The following SYTL2 variants were observed in gnomAD, a reference collection of about 807,000 sequenced individuals.
SYTL2 encodes the protein synaptotagmin like 2.
Under a neutral mutation model 198.7 loss-of-function variants are expected in SYTL2, and 165 were observed. The ratio of observed to expected loss-of-function variants is 0.83; its 90% CI spans 0.73 to 0.94. SYTL2 has a LOEUF of 0.94. Ranked by LOEUF, SYTL2 falls within the 40% of genes least tolerant of loss-of-function variation. The pLI is 0.00. For synonymous variants in SYTL2, 966 were observed against 917.7 expected, an observed-to-expected ratio of 1.05 and a Z score of -0.95; for missense variants, 2,835 against 2,582.8, an observed-to-expected ratio of 1.10 and a Z score of -2.12.
At chr11:85,700,028 A>C (rs2084022592) in intron 17 of SYTL2, among the ~76,000 whole-genome samples, 1 of 152,216 alleles carries the variant, frequency 6.6e-6, no homozygotes, top group South Asian at 2.1e-4. Context: ...ACAAATTCTG[A>C]ATACAGGCCA....
At chr11:85,733,439 T>G (rs921212044) in intron 7 of SYTL2, among the ~76,000 whole-genome samples, 2 of 152,180 alleles carry the variant, frequency 1.3e-5, no homozygotes, top group African/African-American at 4.8e-5. Flanking sequence ...CTTTTAGTTA[T>G]TGGTGATTGA....
intron 15 of SYTL2, among the ~76,000 whole-genome samples, chr11:85,705,998 T>C (rs914903273): frequency 6.6e-6 from 1 of 152,176 alleles, no homozygotes; most frequent in African/African-American, 2.4e-5. Context: ...AAAGAGGGAA[T>C]GAACAACACT....
At chr11:85,781,230 AAGG>A (rs1241956186) in intron 1 of SYTL2, among the ~76,000 whole-genome samples, 2 of 152,146 alleles carry the variant, frequency 1.3e-5, no homozygotes, top group African/African-American at 4.8e-5. Flanking sequence ...TGGTAGCAGC[AAGG>A]AGAAGTGCTA....
chr11:85,786,185 A>G (rs2153611645), intron 1 of SYTL2, among the ~76,000 whole-genome samples: 1 of 152,292 alleles, frequency 6.6e-6, no homozygotes, highest in South Asian at 2.1e-4. Flanking sequence ...TTTATATGAC[A>G]CTCTTGAAAT....
intron 1 of SYTL2, among the ~76,000 whole-genome samples, chr11:85,775,002 T>C (rs539682912): frequency 2.0e-5 from 3 of 151,978 alleles, no homozygotes; most frequent in Non-Finnish European, 4.4e-5. Flanking sequence ...TTTTTTTTTT[T>C]CTCATGGACA....
In SYTL2 at chr11:85,725,283, C is replaced by A; in HGVS notation, c.4075G>T (p.Val1359Phe). 6.2e-7 allele frequency: 1 copy of A among 1,614,148 alleles called. No homozygotes were observed. The highest frequency in any genetic ancestry group is 8.5e-7 in the Non-Finnish European group (1 of 1,180,014). The change falls in exon 8 of 20, where the codon GTC becomes TTC. Residue 1359 changes from valine to phenylalanine, a missense_variant. By Grantham distance (50) the Val-to-Phe change is conservative (BLOSUM62 -1). Coordinates refer to ENST00000359152, the MANE Select transcript of SYTL2 (RefSeq NM_206927.4). ...QTEISETVEKVILPPRPVLND... is the reference protein window; with the variant it reads ...QTEISETVEKFILPPRPVLND... ...AATACAGGTCTGGGTGGAAGAATGA[C>A]TTTCTCTACAGTCTCCGAAATTTCC...
chr11:85,711,470 T>G (rs1269331710), intron 12 of SYTL2, among the ~76,000 whole-genome samples: 1 of 152,214 alleles, frequency 6.6e-6, no homozygotes, highest in Non-Finnish European at 1.5e-5. Context: ...TCTTTTCACC[T>G]ACAAAGTAGT....
At chr11:85,848,266 A>G in the SYTL2 span, among the ~76,000 whole-genome samples, 1 of 151,876 alleles carries the variant, frequency 6.6e-6, no homozygotes, top group African/African-American at 2.4e-5. Context: ...AAAAAAGAAA[A>G]AAGAAAAAAA....
chr11:85,842,983 T>C, the SYTL2 span, among the ~76,000 whole-genome samples: 15 of 152,194 alleles, frequency 9.9e-5, no homozygotes, highest in Admixed American at 2.0e-4. Flanking sequence ...TTAAATCTAC[T>C]GTAGAATGTG....
chr11:85,753,609 C>T (rs2091679589), intron 2 of SYTL2, among the ~76,000 whole-genome samples: 3 of 151,886 alleles, frequency 2.0e-5, no homozygotes, highest in African/African-American at 7.3e-5. Flanking sequence ...AGTAACAAAA[C>T]CTTTTTTTTT....
intron 15 of SYTL2, 115 bp downstream of exon 15, chr11:85,707,314 T>A (rs2085333213): frequency 1.4e-6 from 1 of 689,928 alleles, no homozygotes; most frequent in Non-Finnish European, 2.5e-6. Context: ...ACATTTGTAT[T>A]CCCTTCCTTC....
Position 85,734,488 on chromosome 11 carries a change from T to C in SYTL2, c.841A>G (p.Ser281Gly), listed in dbSNP as rs913523471. 1 of 1,614,258 alleles carries C rather than the reference T, an allele frequency of 6.2e-7. No individual in the cohort carries two copies. The highest frequency in any genetic ancestry group is 8.5e-7 in the Non-Finnish European group (1 of 1,180,042). ...RGILKRNSSS[S>G]STDSETLRYN... ...CGAAGGGTTTCTGAGTCTGTGCTACTGGAACTGGAGTTGCGCTTGAGGATC... is the reference window on the plus strand; with the variant it reads ...CGAAGGGTTTCTGAGTCTGTGCTACCGGAACTGGAGTTGCGCTTGAGGATC... The change falls in exon 7 of 20, where the codon AGT (serine) becomes GGT (glycine). Residue 281 changes from serine to glycine, a missense_variant. This residue lies in a region of SYTL2 where 2,645 missense variants were observed against 2,381.7 expected (regional missense o/e 1.11). Coordinates refer to ENST00000359152, the MANE Select transcript of SYTL2 (RefSeq NM_206927.4).
intron 6 of SYTL2, among the ~76,000 whole-genome samples, chr11:85,735,970 G>C (rs2090306973): frequency 6.6e-6 from 1 of 152,166 alleles, no homozygotes; most frequent in Admixed American, 6.5e-5. Context: ...CTTTTGAAGA[G>C]ATTGAAATGT....
chr11:85,822,823 G>A, the SYTL2 span, among the ~76,000 whole-genome samples: 10 of 152,232 alleles, frequency 6.6e-5, no homozygotes, highest in African/African-American at 9.6e-5. Context: ...GAGTAGGACC[G>A]TAACTAACGC....
In SYTL2 at chr11:85,726,457, T is replaced by C. The variant is rs771236883; in HGVS notation, c.2901A>G (p.Arg967=). ...ANFKVMSLKE[R]MDEPNAEQVY... ...CCTGTTCTGCATTGGGTTCATCCAT[T>C]CTTTCTTTTAGGGACATAACTTTAA... is the stretch of plus-strand genomic sequence containing the variant. Residue 967 remains arginine (R), a synonymous_variant, in exon 8 of 20, where the codon AGA becomes AGG. Coordinates refer to ENST00000359152, the MANE Select transcript of SYTL2 (RefSeq NM_206927.4). 1.2e-6 allele frequency: 2 copies of C among 1,613,030 alleles called. No individual in the cohort carries two copies. The highest frequency in any genetic ancestry group is 3.3e-5 in the Admixed American group (2 of 59,980).
chr11:85,704,465 T>A (rs2084817450), intron 16 of SYTL2, among the ~76,000 whole-genome samples: 1 of 152,122 alleles, frequency 6.6e-6, no homozygotes, highest in African/African-American at 2.4e-5. Context: ...CACACAGACA[T>A]AAAACCCATG....
intron 1 of SYTL2, among the ~76,000 whole-genome samples, chr11:85,798,639 G>C (rs1249047697): frequency 6.6e-6 from 1 of 152,172 alleles, no homozygotes; most frequent in Non-Finnish European, 1.5e-5. Flanking sequence ...ACTCAACAAT[G>C]GAAAAAGGTG....
At chr11:85,804,680 A>G (rs551768701) in intron 1 of SYTL2, among the ~76,000 whole-genome samples, 1 of 152,338 alleles carries the variant, frequency 6.6e-6, no homozygotes, top group East Asian at 1.9e-4. Flanking sequence ...ACTGTTTTTC[A>G]GTCTGAAGCA....
At chr11:85,779,043 A>T (rs1390701166) in intron 1 of SYTL2, among the ~76,000 whole-genome samples, 1 of 152,074 alleles carries the variant, frequency 6.6e-6, no homozygotes, top group Non-Finnish European at 1.5e-5. Context: ...AGTGTACTAT[A>T]CTATATATAT....
Sources: allele counts gnomAD v4.1 joint callset (sites outside exome capture counted in the v4.1 genomes callset), GRCh38; gene constraint gnomAD v4.1.1; regional missense constraint gnomAD v4.1.1; transcripts MANE v1.5; gene names NCBI Gene and HGNC (gene_info 2026-07-23, HGNC 2026-07-21).